The following SCAPER variants were observed in gnomAD, a reference collection of about 807,000 sequenced individuals.
The protein encoded by SCAPER is S phase cyclin A-associated protein in the endoplasmic reticulum.
In SCAPER, 98 loss-of-function variants were observed where a neutral mutation model predicts 182.2. The observed-to-expected ratio is 0.54, with a 90% CI of 0.46 to 0.64. The LOEUF is 0.64. Among genes scored for constraint, SCAPER ranks in the 30% least tolerant of loss-of-function variants. The pLI, the probability that SCAPER is intolerant of heterozygous loss-of-function variation, is 0.00. For missense variants in SCAPER, 1,432 were observed against 1,690.0 expected (o/e 0.85, Z 2.68); for synonymous variants, 605 against 564.6 (o/e 1.07, Z -1.01).
chr15:76,370,863 A>C (rs983867138), intron 29 of SCAPER, among the ~76,000 whole-genome samples: 2 of 152,200 alleles, frequency 1.3e-5, no homozygotes, highest in Non-Finnish European at 2.9e-5. Flanking sequence ...TCCCTGAATA[A>C]GGCACACAGA....
At chr15:76,765,288 C>T (rs765801105) in intron 13 of SCAPER, 49 bp downstream of exon 13, 1 of 1,424,784 alleles carries the variant, frequency 7.0e-7, no homozygotes, top group South Asian at 1.2e-5. Context: ...TCAAGAGTGG[C>T]TAGTTTCCTT....
At chr15:76,785,079 CAG>C in intron 8 of SCAPER, among the ~76,000 whole-genome samples, 1 of 152,314 alleles carries the variant, frequency 6.6e-6, no homozygotes, top group East Asian at 1.9e-4. Flanking sequence ...AAACTACCGT[CAG>C]AGTGAACAGG....
chr15:76,655,383 T>C (rs2055544069), intron 21 of SCAPER, among the ~76,000 whole-genome samples: 1 of 152,100 alleles, frequency 6.6e-6, no homozygotes, highest in Non-Finnish European at 1.5e-5. Flanking sequence ...CTGAGAAATA[T>C]GGGATTATGT....
At chr15:76,352,844 T>C (rs2040673306) in intron 30 of SCAPER, among the ~76,000 whole-genome samples, 1 of 152,218 alleles carries the variant, frequency 6.6e-6, no homozygotes, top group East Asian at 1.9e-4. Flanking sequence ...TAAAATTTTC[T>C]TAAGATATTA....
chr15:76,841,723 G>A lies in SCAPER; in HGVS notation c.393+11C>T, dbSNP rs751994614. ...TTCAAATGGATTACAAGGCCTCAAA[G>A]CAAACCTTACCTTACATTCGACCAC... On this transcript the variant is annotated intron_variant, in intron 5 of 31. Coordinates refer to ENST00000563290, the MANE Select transcript of SCAPER (RefSeq NM_020843.4). 6 of 1,612,992 alleles carry A rather than the reference G, an allele frequency of 3.7e-6. No homozygotes were observed. Among genetic ancestry groups the A allele is most frequent in the Non-Finnish European group, 5.1e-6 (6 of 1,179,286 alleles).
chr15:76,371,027 T>C (rs529777179), intron 29 of SCAPER, among the ~76,000 whole-genome samples: 3 of 152,324 alleles, frequency 2.0e-5, no homozygotes, highest in African/African-American at 7.2e-5. Context: ...GTTACATGCC[T>C]GGCCTTCTTA....
At chr15:76,788,218 G>A (rs181665106) in intron 8 of SCAPER, among the ~76,000 whole-genome samples, 9 of 152,264 alleles carry the variant, frequency 5.9e-5, no homozygotes, top group African/African-American at 2.2e-4. Flanking sequence ...AGCAAAAAGT[G>A]TATGGAATTT....
chr15:76,830,950 A>C (rs2068417651), intron 5 of SCAPER, among the ~76,000 whole-genome samples: 1 of 152,120 alleles, frequency 6.6e-6, no homozygotes, highest in Non-Finnish European at 1.5e-5. Flanking sequence ...CCTGGCCCAA[A>C]GTGGCTCCTA....
rs578084776 is a variant in SCAPER, at chr15:76,593,816, G to T, written c.2712-19532C>A. On this transcript the variant is annotated intron_variant, in intron 22 of 31. Transcript: ENST00000563290. ...GGACATCCACACAGAAACCCCATCC[G>T]AAGGTCACCAACATCAAAGACCAAA... Among the ~76,000 whole-genome samples, 8 of 120,968 alleles carry T rather than the reference G, an allele frequency of 6.6e-5. 1 individual carries two copies. In the East Asian group the frequency reaches 1.8e-3, roughly 27 times the overall value. The allele number at this position is 120,968 out of a possible 152,430, so 79.4% of individuals were successfully genotyped here.
chr15:76,561,705 T>C (rs1469863142), intron 23 of SCAPER, among the ~76,000 whole-genome samples: 1 of 150,974 alleles, frequency 6.6e-6, no homozygotes, highest in Non-Finnish European at 1.5e-5. Context: ...CAAAATGAAG[T>C]CTCTACCTCA....
At chr15:76,511,841 ATATGTGTG>A (rs1213621433) in intron 23 of SCAPER, among the ~76,000 whole-genome samples, 3 of 104,832 alleles carry the variant, frequency 2.9e-5, no homozygotes, top group East Asian at 3.2e-4. Context: ...ATATATATAT[ATATGTGTG>A]TGTGTGTGTG....
At chr15:76,666,609 C>T (rs1373024736) in intron 20 of SCAPER, among the ~76,000 whole-genome samples, 1 of 152,174 alleles carries the variant, frequency 6.6e-6, no homozygotes, top group African/African-American at 2.4e-5. Context: ...TGAAATTACA[C>T]CTCAAGTGGC....
intron 24 of SCAPER, among the ~76,000 whole-genome samples, chr15:76,494,862 T>C (rs1216369141): frequency 6.6e-6 from 1 of 152,136 alleles, no homozygotes; most frequent in Non-Finnish European, 1.5e-5. Flanking sequence ...ACTGGCAGAC[T>C]GATAATATTT....
intron 21 of SCAPER, among the ~76,000 whole-genome samples, chr15:76,659,192 A>T (rs1288032800): frequency 1.3e-5 from 2 of 152,244 alleles, no homozygotes; most frequent in Admixed American, 1.3e-4. Context: ...AAGGTTTAAT[A>T]TTCAGAACCT....
At chr15:76,858,232 A>C (rs1278969957) in intron 3 of SCAPER, among the ~76,000 whole-genome samples, 2 of 152,224 alleles carry the variant, frequency 1.3e-5, no homozygotes, top group Admixed American at 1.3e-4. Flanking sequence ...AAATCTGGAA[A>C]TAGTTCTTTA....
chr15:76,835,933 C>CAAAAAAAAAAA (rs35242954), intron 5 of SCAPER, among the ~76,000 whole-genome samples: 1 of 94,298 alleles, frequency 1.1e-5, no homozygotes, highest in Non-Finnish European at 2.0e-5. Flanking sequence ...ACATTAGCCA[C>CAAAAAAAAAAA]AAAAAAAAAA....
intron 26 of SCAPER, among the ~76,000 whole-genome samples, chr15:76,431,618 G>A (rs977178473): frequency 7.4e-6 from 1 of 134,898 alleles, no homozygotes; most frequent in African/African-American, 2.8e-5. Context: ...GGAGTGGAGT[G>A]AGACTTCTTG....
At chr15:76,717,862 C>A (rs2064756294) in intron 17 of SCAPER, among the ~76,000 whole-genome samples, 1 of 151,868 alleles carries the variant, frequency 6.6e-6, no homozygotes, top group South Asian at 2.1e-4. Context: ...ACTTCAATAC[C>A]CCACTGTCAA....
chr15:76,651,470 G>A lies in SCAPER; in HGVS notation c.2645+14183C>T, dbSNP rs544534949. ...ACTGCGTGGAATAGGAGTAGTGAGA[G>A]TGAGCATACTTGTCATGTTTTAAAA... On this transcript the variant is annotated intron_variant, in intron 21 of 31. Coordinates refer to ENST00000563290, the MANE Select transcript of SCAPER (RefSeq NM_020843.4). 2.0e-5 allele frequency among the ~76,000 whole-genome samples: 3 copies of A among 151,996 alleles called. No homozygotes were observed. In the South Asian group the frequency reaches 6.2e-4, roughly 31 times the overall value.
Sources: allele counts gnomAD v4.1 joint callset (sites outside exome capture counted in the v4.1 genomes callset), GRCh38; gene constraint gnomAD v4.1.1; transcripts MANE v1.5; gene names NCBI Gene and HGNC (gene_info 2026-07-23, HGNC 2026-07-21).